Variants in COL19A1 observed in about 807,000 individuals in gnomAD.
The protein encoded by COL19A1 is collagen alpha-1(XIX) chain.
COL19A1 carries 159 observed loss-of-function variants against 190.2 expected under a neutral mutation model. The ratio of observed to expected loss-of-function variants is 0.84; its 90% confidence interval spans 0.73 to 0.95. The LOEUF (loss-of-function observed/expected upper bound fraction) is 0.95. Ranked by LOEUF, COL19A1 falls within the 40% of genes least tolerant of loss-of-function variation. The pLI is 0.00. For missense variants in COL19A1, 1,418 were observed against 1,431.9 expected, an observed-to-expected ratio of 0.99 and a Z score of 0.16; for synonymous variants, 509 against 458.9, an observed-to-expected ratio of 1.11 and a Z score of -1.39.
intron 49 of COL19A1, among the ~76,000 whole-genome samples, chr6:70,200,545 G>T (rs899853914): frequency 1.3e-5 from 2 of 152,182 alleles, no homozygotes; most frequent in African/African-American, 2.4e-5. Context: ...AGGATCTCAG[G>T]TTCCTTCCTT....
chr6:69,880,165 A>G (rs1768435150), intron 2 of COL19A1, among the ~76,000 whole-genome samples: 1 of 152,242 alleles, frequency 6.6e-6, no homozygotes, highest in African/African-American at 2.4e-5. Context: ...CTTTTGAACT[A>G]AATAGACAAT....
Position 69,929,641 on chromosome 6 carries a change from G to A in COL19A1, c.607G>A (p.Val203Met). 1.2e-6 allele frequency: 2 copies of A among 1,614,000 alleles called. No homozygotes were observed. Among genetic ancestry groups the A allele is most frequent in the Non-Finnish European group, 1.7e-6 (2 of 1,179,932 alleles). The change falls in exon 6 of 51, where the codon GTG becomes ATG. Residue 203 changes from valine to methionine, a missense_variant. Transcript: ENST00000620364. ...ARRQTDEKDT[V>M]DFHGRTVIAT... Reference sequence around the variant, plus strand: ...GAGGCAGACTGATGAAAAGGACACTGTGGATTTCCATGGACGGACAGTTAT... The same window carrying A: ...GAGGCAGACTGATGAAAAGGACACTATGGATTTCCATGGACGGACAGTTAT...
chr6:69,875,060 G>T (rs549422698), intron 1 of COL19A1, among the ~76,000 whole-genome samples: 35 of 152,336 alleles, frequency 2.3e-4, no homozygotes, highest in African/African-American at 8.4e-4. Flanking sequence ...TGAGTGGGGA[G>T]CAATAAACAT....
chr6:69,986,332 G>A (rs9446178), intron 11 of COL19A1, among the ~76,000 whole-genome samples: 15,261 of 150,994 alleles, frequency 0.1, 851 homozygotes, highest in East Asian at 0.2. Context: ...TTTAAGCTGA[G>A]GTTATTGATT....
At chr6:69,905,509 ACT>A (rs150311178) in intron 4 of COL19A1, among the ~76,000 whole-genome samples, 18,235 of 151,910 alleles carry the variant, frequency 0.12, 1,210 homozygotes, top group Middle Eastern at 0.17. Flanking sequence ...GACAGCTTTG[ACT>A]CTCTGTTTCT....
chr6:70,052,744 A>G (rs1388529840), intron 14 of COL19A1, among the ~76,000 whole-genome samples: 1 of 152,228 alleles, frequency 6.6e-6, no homozygotes, highest in African/African-American at 2.4e-5. Flanking sequence ...ATGGATTAAG[A>G]TAAAGCACAT....
In COL19A1 at chr6:70,211,556, T is replaced by C. The variant is rs1768210354; in HGVS notation, c.*4282T>C. On this transcript the variant is annotated 3_prime_UTR_variant, in exon 51 of 51. Transcript: ENST00000620364. ...GAGATGCAGAAGATAATTGAATTTG[T>C]ATCTTGTATGCCTATGTAATTCAAA... Among the ~76,000 whole-genome samples, 1 of 149,722 alleles carries C rather than the reference T, an allele frequency of 6.7e-6. No homozygotes were observed. Among genetic ancestry groups the C allele is most frequent in the African/African-American group, 2.5e-5 (1 of 40,532 alleles).
chr6:70,004,318 T>G (rs1021839368), intron 11 of COL19A1, among the ~76,000 whole-genome samples: 1 of 152,200 alleles, frequency 6.6e-6, no homozygotes, highest in African/African-American at 2.4e-5. Flanking sequence ...CTTCCTTAAT[T>G]TCAACCTTGG....
At chr6:70,179,838 A>G (rs1052473528) in intron 42 of COL19A1, among the ~76,000 whole-genome samples, 2 of 152,062 alleles carry the variant, frequency 1.3e-5, no homozygotes, top group African/African-American at 2.4e-5. Context: ...GGAGTTGACT[A>G]TATGTTCCCC....
In COL19A1 at chr6:69,936,916, C is replaced by T. The variant is rs1188448027; in HGVS notation, c.873+6C>T. 6.2e-7 allele frequency: 1 copy of T among 1,612,228 alleles called. No individual in the cohort carries two copies. The highest frequency in any genetic ancestry group is 1.7e-5 in the Admixed American group (1 of 59,890). ...GCCAGTGCATTCCAAACAAGGTATG[C>T]TAGTTTTAATTGGTGCACACTGAAA... On this transcript the variant is annotated splice_donor_region_variant and intron_variant, in intron 8 of 50. Coordinates refer to ENST00000620364, the MANE Select transcript of COL19A1 (RefSeq NM_001858.6).
At chr6:70,153,223 T>C (rs1329998339) in intron 31 of COL19A1, among the ~76,000 whole-genome samples, 1 of 152,170 alleles carries the variant, frequency 6.6e-6, no homozygotes, top group Non-Finnish European at 1.5e-5. Flanking sequence ...ATCCTGATCT[T>C]GTTACCCTAT....
At chr6:69,884,144 G>A (rs1052954163) in intron 2 of COL19A1, among the ~76,000 whole-genome samples, 1 of 151,998 alleles carries the variant, frequency 6.6e-6, no homozygotes, top group African/African-American at 2.4e-5. Flanking sequence ...AGACCAGCCT[G>A]GCCAGCATGG....
At chr6:69,909,521 C>T (rs1270057107) in intron 4 of COL19A1, among the ~76,000 whole-genome samples, 1 of 152,034 alleles carries the variant, frequency 6.6e-6, no homozygotes, top group Non-Finnish European at 1.5e-5. Flanking sequence ...ACTGAAGAGA[C>T]TACTGAGAGT....
chr6:69,875,337 A>T (rs1387520670), intron 1 of COL19A1, among the ~76,000 whole-genome samples: 1 of 152,216 alleles, frequency 6.6e-6, no homozygotes, highest in Non-Finnish European at 1.5e-5. Context: ...CTTTTGGACT[A>T]CATTCAAAGT....
chr6:70,174,559 CAAA>C lies in COL19A1; in HGVS notation c.2623-1951_2623-1949del, dbSNP rs71536501. Among the ~76,000 whole-genome samples the C allele has an allele frequency of 2.9e-5, 4 of 140,336 alleles. No homozygotes were observed. The South Asian group carries it at 6.7e-4, about 24-fold the overall frequency. The allele number at this position is 140,336 out of a possible 152,430, so 92.1% of individuals were successfully genotyped here. A position where few individuals can be genotyped will look rare whatever the true frequency, so the allele number is the denominator to read the frequency against. On this transcript the variant is annotated intron_variant, in intron 41 of 50. Coordinates refer to ENST00000620364, the MANE Select transcript of COL19A1 (RefSeq NM_001858.6). ...TGGGTGATAGAGCCAGACTCCGTCT[CAAA>C]AAAAAAAAACAAAAAAAACAGGACT... is the stretch of plus-strand genomic sequence containing the variant.
chr6:70,132,236 A>G (rs962591396), intron 18 of COL19A1, among the ~76,000 whole-genome samples: 13 of 152,122 alleles, frequency 8.5e-5, no homozygotes, highest in African/African-American at 3.1e-4. Flanking sequence ...CATCCCTACA[A>G]AAATTAAAAA....
intron 1 of COL19A1, among the ~76,000 whole-genome samples, chr6:69,878,020 T>A (rs1242636496): frequency 6.6e-6 from 1 of 151,064 alleles, no homozygotes; most frequent in Non-Finnish European, 1.5e-5. Flanking sequence ...CCAAAATAAA[T>A]AAATAAATAA....
Position 70,099,211 on chromosome 6 carries a change from A to C in COL19A1, c.1225-2958A>C, listed in dbSNP as rs953400107. On this transcript the variant is annotated intron_variant, in intron 15 of 50. Coordinates refer to ENST00000620364, the MANE Select transcript of COL19A1 (RefSeq NM_001858.6). Reference sequence around the variant, plus strand: ...CACAAGTCACTGATACTTGAGACTTAAGTCTCAAGAGTTTTTCCTAAGGTG... The same window carrying C: ...CACAAGTCACTGATACTTGAGACTTCAGTCTCAAGAGTTTTTCCTAAGGTG... 6.6e-5 allele frequency among the ~76,000 whole-genome samples: 10 copies of C among 152,164 alleles called. No individual in the cohort carries two copies. In the East Asian group the frequency reaches 1.9e-3, roughly 29 times the overall value.
At chr6:69,921,459 A>ATCATATATATCATATATTCATATATAT in intron 4 of COL19A1, among the ~76,000 whole-genome samples, 1 of 21,272 alleles carries the variant, frequency 4.7e-5, no homozygotes, top group African/African-American at 1.6e-4. Context: ...TATCATATAT[A>ATCATATATATCATATATTCATATATAT]TCATATATAT....
Sources: gnomAD v4.1 joint callset for allele counts (sites outside exome capture counted in the v4.1 genomes callset) on GRCh38, gnomAD v4.1.1 for gene constraint, MANE v1.5 for transcripts, NCBI Gene and HGNC (gene_info 2026-07-23, HGNC 2026-07-21) for gene names.